KCNQ5: variants seen among roughly 807,000 people sequenced by gnomAD.
KCNQ5 encodes the protein potassium voltage-gated channel subfamily KQT member 5.
Under a neutral mutation model 98.2 loss-of-function variants are expected in KCNQ5, and 30 were observed. That is an observed-to-expected ratio of 0.31 (90% CI 0.23 to 0.41). The LOEUF (loss-of-function observed/expected upper bound fraction) is 0.41, where lower values mean the gene tolerates loss of function less well. Ranked by LOEUF, KCNQ5 falls within the 10% of genes least tolerant of loss-of-function variation. The pLI is 1.00. For missense variants in KCNQ5, 835 were observed against 1,182.5 expected, an observed-to-expected ratio of 0.71 and a Z score of 4.31; for synonymous variants, 458 against 449.4, an observed-to-expected ratio of 1.02 and a Z score of -0.24.
chr6:73,193,573 CAA>C (rs1170096762), intron 13 of KCNQ5, among the ~76,000 whole-genome samples: 1 of 151,258 alleles, frequency 6.6e-6, no homozygotes, highest in African/African-American at 2.4e-5. Context: ...TTGTTAACCT[CAA>C]GTCTGTTGCA....
chr6:72,872,050 A>G (rs1159411488), intron 1 of KCNQ5, among the ~76,000 whole-genome samples: 1 of 152,200 alleles, frequency 6.6e-6, no homozygotes. Flanking sequence ...GAAATTATGC[A>G]TGTTTCTTGA....
chr6:72,900,166 C>T (rs1779429910), intron 1 of KCNQ5, among the ~76,000 whole-genome samples: 1 of 151,984 alleles, frequency 6.6e-6, no homozygotes, highest in African/African-American at 2.4e-5. Flanking sequence ...TTTGTGTCCT[C>T]ATAGCTTTGC....
chr6:72,910,145 T>C (rs1051534032), intron 1 of KCNQ5, among the ~76,000 whole-genome samples: 3 of 152,180 alleles, frequency 2.0e-5, no homozygotes, highest in African/African-American at 7.2e-5. Context: ...TACACCTAAA[T>C]TGCAGGAATA....
At chr6:72,939,242 G>A (rs1464250943) in intron 1 of KCNQ5, among the ~76,000 whole-genome samples, 1 of 152,076 alleles carries the variant, frequency 6.6e-6, no homozygotes, top group African/African-American at 2.4e-5. Flanking sequence ...TAGCTGGCAG[G>A]GCTCCCGGGT....
chr6:73,198,746 G>A lies in KCNQ5; in HGVS notation c.*3332G>A, dbSNP rs972896714. ...TCTGTTTCCTGAAAACAAATAAATC[G>A]GGAACACCATATCCATTTCAAGCTA... On this transcript the variant is annotated 3_prime_UTR_variant, in exon 14 of 14. Coordinates refer to ENST00000370398, the MANE Select transcript of KCNQ5 (RefSeq NM_019842.4). 6 of 152,092 alleles carry A rather than the reference G, an allele frequency of 3.9e-5. No individual in the cohort carries two copies. The highest frequency in any genetic ancestry group is 1.9e-4 in the East Asian group (1 of 5,202). 9.4% of individuals were successfully genotyped at this position (152,092 alleles called of 1,614,324 possible). A position where few individuals can be genotyped will look rare whatever the true frequency, so the allele number is the denominator to read the frequency against.
At chr6:73,111,185 T>A in intron 6 of KCNQ5, 123 bp from the exon 7 acceptor site, 1 of 672,384 alleles carries the variant, frequency 1.5e-6, no homozygotes, top group Non-Finnish European at 2.6e-6. Context: ...ATAAGTAACA[T>A]GTTTATGGAC....
At chr6:72,652,998 T>G (rs1765950754) in intron 1 of KCNQ5, among the ~76,000 whole-genome samples, 1 of 152,138 alleles carries the variant, frequency 6.6e-6, no homozygotes, top group Admixed American at 6.6e-5. Flanking sequence ...TTTCAGTTGG[T>G]ACCATTTATT....
chr6:73,023,887 C>A (rs769255510), intron 2 of KCNQ5, among the ~76,000 whole-genome samples: 7 of 152,108 alleles, frequency 4.6e-5, no homozygotes, highest in African/African-American at 9.7e-5. Flanking sequence ...GGATAAAAAA[C>A]CAGAAATCTT....
intron 1 of KCNQ5, among the ~76,000 whole-genome samples, chr6:72,905,821 T>C (rs1020443748): frequency 1.6e-4 from 24 of 152,196 alleles, no homozygotes; most frequent in Non-Finnish European, 3.1e-4. Context: ...AAATGGACTC[T>C]ATGCTCGTTC....
chr6:73,111,219 C>G (rs746018822), intron 6 of KCNQ5, 89 bp from the exon 7 acceptor site: 59 of 870,594 alleles, frequency 6.8e-5, no homozygotes, highest in South Asian at 4.9e-4. Flanking sequence ...TTTGTCTTCT[C>G]TCAGACTCAT....
chr6:72,847,108 AAAT>A (rs1190851123), intron 1 of KCNQ5, among the ~76,000 whole-genome samples: 1 of 151,956 alleles, frequency 6.6e-6, no homozygotes, highest in Non-Finnish European at 1.5e-5. Flanking sequence ...TCTCTTAAAA[AAAT>A]AATAATAATA....
chr6:73,142,189 C>T (rs1157885187), intron 10 of KCNQ5, among the ~76,000 whole-genome samples: 6 of 152,106 alleles, frequency 3.9e-5, no homozygotes, highest in African/African-American at 1.2e-4. Flanking sequence ...GTTATGCCAT[C>T]GCTTCTTTCA....
intron 1 of KCNQ5, among the ~76,000 whole-genome samples, chr6:72,774,331 A>G (rs1773058880): frequency 6.6e-6 from 1 of 152,134 alleles, no homozygotes; most frequent in Non-Finnish European, 1.5e-5. Context: ...ATAAAACTTT[A>G]TTTATAAAAA....
At chr6:73,149,244 T>C (rs1777045354) in intron 10 of KCNQ5, among the ~76,000 whole-genome samples, 1 of 152,166 alleles carries the variant, frequency 6.6e-6, no homozygotes, top group Non-Finnish European at 1.5e-5. Context: ...AGGAAATACA[T>C]ATTATAGAAT....
intron 1 of KCNQ5, among the ~76,000 whole-genome samples, chr6:72,906,748 G>A (rs1404984508): frequency 6.6e-6 from 1 of 152,188 alleles, no homozygotes; most frequent in South Asian, 2.1e-4. Context: ...GGTATTTGGG[G>A]TGTCTTCCAG....
intron 1 of KCNQ5, among the ~76,000 whole-genome samples, chr6:72,930,778 G>C (rs766659656): frequency 6.6e-6 from 1 of 152,032 alleles, no homozygotes; most frequent in East Asian, 1.9e-4. Context: ...ACAAATGTTC[G>C]CACCAGCTGT....
At chr6:73,194,429 G>A (rs1765706472) in intron 13 of KCNQ5, 23 bp from the exon 14 acceptor site, 2 of 1,584,474 alleles carry the variant, frequency 1.3e-6, no homozygotes, top group Admixed American at 1.8e-5. Flanking sequence ...ATACTCATGT[G>A]TAACCATTTT....
At chr6:72,627,696 C>T (rs932930017) in intron 1 of KCNQ5, among the ~76,000 whole-genome samples, 8 of 152,042 alleles carry the variant, frequency 5.3e-5, no homozygotes, top group African/African-American at 1.9e-4. Context: ...CACACAAGAC[C>T]CTCAGGGCAT....
intron 1 of KCNQ5, among the ~76,000 whole-genome samples, chr6:72,778,712 G>T (rs943947030): frequency 1.3e-5 from 2 of 152,074 alleles, no homozygotes; most frequent in Admixed American, 1.3e-4. Context: ...GTTGTGCAGT[G>T]TAAATAAATA....
Sources: gnomAD v4.1 joint callset for allele counts (sites outside exome capture counted in the v4.1 genomes callset) on GRCh38, gnomAD v4.1.1 for gene constraint, MANE v1.5 for transcripts, NCBI Gene and HGNC (gene_info 2026-07-23, HGNC 2026-07-21) for gene names.